CSMD1: variants seen among roughly 807,000 people sequenced by gnomAD.
CSMD1 encodes the protein CUB and Sushi multiple domains 1.
Under a neutral mutation model 417.5 loss-of-function variants are expected in CSMD1, and 213 were observed. The ratio of observed to expected loss-of-function variants is 0.51; its 90% CI spans 0.46 to 0.57. CSMD1 has a LOEUF of 0.57. Ranked by LOEUF, CSMD1 falls within the 20% of genes least tolerant of loss-of-function variation. The pLI, the probability that CSMD1 is intolerant of heterozygous loss-of-function variation, is 0.00. For missense variants in CSMD1, 6,923 were observed against 4,529.7 expected, an observed-to-expected ratio of 1.53 and a Z score of -15.17; for synonymous variants, 2,862 against 1,736.8, an observed-to-expected ratio of 1.65 and a Z score of -16.11.
intron 1 of CSMD1, among the ~76,000 whole-genome samples, chr8:4,767,927 A>C (rs147983284): frequency 1.8e-4 from 27 of 152,296 alleles, no homozygotes; most frequent in Admixed American, 2.6e-4. Context: ...AAACAAATGG[A>C]AAGTAAATTT....
chr8:3,295,043 G>A (rs368739565), intron 25 of CSMD1, among the ~76,000 whole-genome samples: 1 of 152,098 alleles, frequency 6.6e-6, no homozygotes, highest in Non-Finnish European at 1.5e-5. Context: ...GTACTACTCT[G>A]TGTGTTTAAG....
At chr8:3,555,055 G>T (rs1253540647) in intron 10 of CSMD1, among the ~76,000 whole-genome samples, 1 of 152,066 alleles carries the variant, frequency 6.6e-6, no homozygotes, top group Non-Finnish European at 1.5e-5. Flanking sequence ...GCCAGGGAAG[G>T]CTAAGGAGCC....
chr8:3,142,415 G>T, intron 41 of CSMD1, 50 bp downstream of exon 41: 4 of 1,390,414 alleles, frequency 2.9e-6, no homozygotes, highest in Admixed American at 3.9e-5. Flanking sequence ...CAATTTACAT[G>T]TAAGAAGTGT....
intron 1 of CSMD1, among the ~76,000 whole-genome samples, chr8:4,945,170 C>T (rs548688428): frequency 9.2e-5 from 14 of 152,092 alleles, no homozygotes; most frequent in Non-Finnish European, 1.8e-4. Flanking sequence ...CTGAATGATC[C>T]CAAATACATG....
chr8:4,770,783 T>C (rs1397436618), intron 1 of CSMD1, among the ~76,000 whole-genome samples: 1 of 152,124 alleles, frequency 6.6e-6, no homozygotes. Flanking sequence ...AATTGGACCC[T>C]TTATACCATA....
At chr8:3,674,022 C>T (rs1016416626) in intron 7 of CSMD1, among the ~76,000 whole-genome samples, 11 of 152,142 alleles carry the variant, frequency 7.2e-5, no homozygotes, top group African/African-American at 2.7e-4. Flanking sequence ...GGGAGAATAA[C>T]TTGAGCCTGG....
At chr8:4,232,886 A>G (rs1801827748) in intron 3 of CSMD1, among the ~76,000 whole-genome samples, 2 of 152,122 alleles carry the variant, frequency 1.3e-5, no homozygotes, top group South Asian at 4.1e-4. Context: ...AATAAGTGTA[A>G]AAGGAGGAAA....
At chr8:3,962,162 C>T (rs1446129113) in intron 5 of CSMD1, among the ~76,000 whole-genome samples, 4 of 152,110 alleles carry the variant, frequency 2.6e-5, no homozygotes, top group Non-Finnish European at 5.9e-5. Flanking sequence ...ACTTCATAGA[C>T]CTGCTCTGCT....
intron 49 of CSMD1, among the ~76,000 whole-genome samples, chr8:3,059,524 C>T (rs17389597): frequency 1.3e-5 from 2 of 152,002 alleles, no homozygotes; most frequent in African/African-American, 4.8e-5. Context: ...AGGGGACACA[C>T]GACTCAGGGC....
chr8:3,572,631 G>C (rs977465204), intron 10 of CSMD1, among the ~76,000 whole-genome samples: 2 of 152,154 alleles, frequency 1.3e-5, no homozygotes, highest in Non-Finnish European at 2.9e-5. Context: ...AGAAATTCAA[G>C]AAGAGTTCCT....
At chr8:4,124,329 T>A (rs6998885) in intron 3 of CSMD1, among the ~76,000 whole-genome samples, 3,557 of 152,278 alleles carry the variant, frequency 0.023, 150 homozygotes, top group African/African-American at 0.081. Flanking sequence ...ATCAAGCTGA[T>A]TCTAAATGAG....
At chr8:3,453,367 T>C (rs921224356) in intron 12 of CSMD1, among the ~76,000 whole-genome samples, 4 of 152,194 alleles carry the variant, frequency 2.6e-5, no homozygotes, top group Middle Eastern at 3.2e-3. Flanking sequence ...TTGAATGTGT[T>C]TGCTCTTGCT....
At chr8:4,454,286 G>A (rs569876907) in intron 2 of CSMD1, among the ~76,000 whole-genome samples, 5 of 152,200 alleles carry the variant, frequency 3.3e-5, no homozygotes, top group South Asian at 4.2e-4. Flanking sequence ...TCCTGACTTC[G>A]GTGGACACCA....
chr8:3,440,999 G>T lies in CSMD1; in HGVS notation c.1561+27713C>A, dbSNP rs183081826. 2.0e-5 allele frequency among the ~76,000 whole-genome samples: 3 copies of T among 152,278 alleles called. No homozygotes were observed. The East Asian group carries it at 5.8e-4, about 29-fold the overall frequency. On this transcript the variant is annotated intron_variant, in intron 12 of 69. Transcript: ENST00000635120. Reference sequence around the variant, plus strand: ...AATGTAGTTAAACATCCTGAGATTAGATCATCCTGGATTATGTTGGTGTCC... The same window carrying T: ...AATGTAGTTAAACATCCTGAGATTATATCATCCTGGATTATGTTGGTGTCC...
intron 2 of CSMD1, among the ~76,000 whole-genome samples, chr8:4,619,964 C>T (rs1230630781): frequency 6.6e-6 from 1 of 151,866 alleles, no homozygotes; most frequent in African/African-American, 2.4e-5. Flanking sequence ...GAAGAATTAG[C>T]ATAGTGTTAC....
chr8:3,647,746 CACAG>C (rs1333331830), intron 7 of CSMD1, among the ~76,000 whole-genome samples: 1 of 152,072 alleles, frequency 6.6e-6, no homozygotes, highest in African/African-American at 2.4e-5. Flanking sequence ...TGGAGGGAGA[CACAG>C]AGAGTGAGAC....
At chr8:4,338,151 G>A (rs911706296) in intron 3 of CSMD1, among the ~76,000 whole-genome samples, 3 of 152,088 alleles carry the variant, frequency 2.0e-5, no homozygotes, top group African/African-American at 7.2e-5. Context: ...CCAAAGCATG[G>A]TAGTAGAGAA....
intron 2 of CSMD1, among the ~76,000 whole-genome samples, chr8:4,440,607 G>C (rs968041027): frequency 1.3e-5 from 2 of 152,180 alleles, no homozygotes; most frequent in Non-Finnish European, 2.9e-5. Flanking sequence ...TCTCTGGAAA[G>C]ATAGGTAGTA....
At chr8:4,177,422 T>C (rs1768175321) in intron 3 of CSMD1, among the ~76,000 whole-genome samples, 1 of 151,680 alleles carries the variant, frequency 6.6e-6, no homozygotes, top group Non-Finnish European at 1.5e-5. Flanking sequence ...CTGGGGCACA[T>C]TCAAAGCAGT....
Sources: allele counts gnomAD v4.1 joint callset (sites outside exome capture counted in the v4.1 genomes callset), GRCh38; gene constraint gnomAD v4.1.1; transcripts MANE v1.5; gene names NCBI Gene and HGNC (gene_info 2026-07-23, HGNC 2026-07-21).